SEC23A: variants seen among roughly 807,000 people sequenced by gnomAD.
SEC23A encodes SEC23 homolog A, COPII component.
SEC23A carries 56 observed loss-of-function variants against 103.7 expected under a neutral mutation model. That is an observed-to-expected ratio of 0.54 (90% CI 0.44 to 0.67). The LOEUF (loss-of-function observed/expected upper bound fraction) is 0.67. SEC23A is among the 30% of genes least tolerant of loss of function. SEC23A has a pLI of 0.00. For missense variants in SEC23A, 784 were observed against 936.4 expected (o/e 0.84, Z 2.12); for synonymous variants, 281 against 293.0 (o/e 0.96, Z 0.42).
At chr14:39,052,471 C>CA (rs1396308984) in intron 14 of SEC23A, among the ~76,000 whole-genome samples, 3 of 151,794 alleles carry the variant, frequency 2.0e-5, no homozygotes, top group African/African-American at 7.3e-5. Context: ...AAGGGACATA[C>CA]AAAAAAAATC....
intron 7 of SEC23A, among the ~76,000 whole-genome samples, chr14:39,081,602 T>C (rs376496329): frequency 6.6e-6 from 1 of 152,312 alleles, no homozygotes; most frequent in South Asian, 2.1e-4. Flanking sequence ...AACTATTCTA[T>C]ATATTCTAGG....
rs55763808 is a variant in SEC23A, at chr14:39,094,442, ATTTTTTTTT to A, written c.222-1207_222-1199del. Reference sequence around the variant, plus strand: ...TATATATATATATATATATATATATATTTTTTTTTTTTTTTTTTCCCCTCCTGTAGAAAT... The same window carrying A: ...TATATATATATATATATATATATATATTTTTTTTTCCCCTCCTGTAGAAAT... On this transcript the variant is annotated intron_variant, in intron 2 of 19. Coordinates refer to ENST00000307712, the MANE Select transcript of SEC23A (RefSeq NM_006364.4). Among the ~76,000 whole-genome samples the A allele has an allele frequency of 1.6e-3, 15 of 9,648 alleles. 2 individuals are homozygous for A. The highest frequency in any genetic ancestry group is 0.011 in the African/African-American group (11 of 990). The allele number at this position is 9,648 out of a possible 152,430, so 6.3% of individuals were successfully genotyped here.
rs1424311280 is a variant in SEC23A, at chr14:39,094,433, TATATATATA to T, written c.222-1198_222-1190del. Among the ~76,000 whole-genome samples the T allele has an allele frequency of 8.8e-4, 39 of 44,186 alleles. 4 individuals are homozygous for T. Among genetic ancestry groups the T allele is most frequent in the African/African-American group, 8.1e-3 (29 of 3,592 alleles). The allele number at this position is 44,186 out of a possible 152,430, so 29.0% of individuals were successfully genotyped here. ...ATATATATATATATATATATATATA[TATATATATA>T]TTTTTTTTTTTTTTTTTTCCCCTCC... On this transcript the variant is annotated intron_variant, in intron 2 of 19. Coordinates refer to ENST00000307712, the MANE Select transcript of SEC23A (RefSeq NM_006364.4).
At chr14:39,067,341 G>A (rs768523836) in intron 9 of SEC23A, 45 bp from the exon 10 acceptor site, 2 of 1,607,912 alleles carry the variant, frequency 1.2e-6, no homozygotes, top group Non-Finnish European at 1.7e-6. Flanking sequence ...CACAGTTACT[G>A]AGTCCGTGTG....
intron 13 of SEC23A, among the ~76,000 whole-genome samples, chr14:39,059,785 A>G (rs1052815935): frequency 6.6e-6 from 1 of 152,188 alleles, no homozygotes; most frequent in East Asian, 1.9e-4. Flanking sequence ...TAAACTCATG[A>G]AATCTAACAC....
In SEC23A at chr14:39,070,375, C is replaced by A. The variant is rs529026132; in HGVS notation, c.1104-3079G>T. ...GAAGAGGAAAGAACACATCCCAGGTCATTCTGTGACGACAGTTACCCTGAT... is the reference window on the plus strand; with the variant it reads ...GAAGAGGAAAGAACACATCCCAGGTAATTCTGTGACGACAGTTACCCTGAT... On this transcript the variant is annotated intron_variant, in intron 9 of 19. Transcript: ENST00000307712. Among the ~76,000 whole-genome samples the A allele has an allele frequency of 2.0e-5, 3 of 152,290 alleles. No individual in the cohort carries two copies. In the East Asian group the frequency reaches 5.8e-4, roughly 29 times the overall value.
chr14:39,044,415 CA>C (rs148976663), intron 16 of SEC23A, among the ~76,000 whole-genome samples: 1 of 151,974 alleles, frequency 6.6e-6, no homozygotes, highest in African/African-American at 2.4e-5. Context: ...TGACCAATTA[CA>C]AAAAAATCAT....
intron 14 of SEC23A, among the ~76,000 whole-genome samples, chr14:39,049,816 A>G (rs1256592511): frequency 6.6e-6 from 1 of 151,356 alleles, no homozygotes; most frequent in Non-Finnish European, 1.5e-5. Flanking sequence ...TTTTGAGACA[A>G]GAGTCTCGCT....
chr14:39,066,004 A>AAAAAAC (rs1886651402), intron 10 of SEC23A, among the ~76,000 whole-genome samples: 1 of 27,300 alleles, frequency 3.7e-5, no homozygotes. Flanking sequence ...TCTCAAAAAA[A>AAAAAAC]AAAAAAAAAA....
At chr14:39,092,871 T>C in intron 3 of SEC23A, 2 of 508,476 alleles carry the variant, frequency 3.9e-6, no homozygotes, top group South Asian at 4.5e-5. Context: ...TTGTTTTGTT[T>C]GTTTGTTTTT....
At chr14:39,071,726 G>A (rs1441943031) in intron 9 of SEC23A, among the ~76,000 whole-genome samples, 1 of 151,012 alleles carries the variant, frequency 6.6e-6, no homozygotes, top group African/African-American at 2.4e-5. Flanking sequence ...AATTAGTTGG[G>A]CGTGGTGGCA....
At chr14:39,052,783 T>A (rs896638051) in intron 14 of SEC23A, among the ~76,000 whole-genome samples, 2 of 152,138 alleles carry the variant, frequency 1.3e-5, no homozygotes, top group Admixed American at 6.6e-5. Flanking sequence ...GTCACACAGT[T>A]GTTGAGAAAA....
At chr14:39,071,794 G>T (rs1280794806) in intron 9 of SEC23A, among the ~76,000 whole-genome samples, 1 of 151,912 alleles carries the variant, frequency 6.6e-6, no homozygotes, top group Non-Finnish European at 1.5e-5. Flanking sequence ...AACCTGGGAG[G>T]AAGAAGTTGC....
chr14:39,101,565 G>C (rs1888096513), intron 1 of SEC23A, among the ~76,000 whole-genome samples: 1 of 151,664 alleles, frequency 6.6e-6, no homozygotes, highest in East Asian at 1.9e-4. Flanking sequence ...GGAGGTTGCA[G>C]TGAGCCGAAA....
intron 7 of SEC23A, among the ~76,000 whole-genome samples, chr14:39,083,448 T>C (rs1453820435): frequency 2.0e-5 from 3 of 152,114 alleles, no homozygotes; most frequent in East Asian, 1.9e-4. Flanking sequence ...CATATGTTGA[T>C]TGATGTCTCA....
At chr14:39,066,398 G>A (rs755792960) in intron 10 of SEC23A, among the ~76,000 whole-genome samples, 79 of 151,526 alleles carry the variant, frequency 5.2e-4, no homozygotes, top group Admixed American at 1.1e-3. Flanking sequence ...ATCCAAATTT[G>A]AAATAAATGA....
At position 39,069,875 on chromosome 14, in the gene SEC23A, A is replaced by G. The variant is rs148625233; in HGVS notation, c.1104-2579T>C. 3.9e-5 allele frequency among the ~76,000 whole-genome samples: 6 copies of G among 152,294 alleles called. No individual in the cohort carries two copies. The East Asian group carries it at 1.2e-3, about 29-fold the overall frequency. On this transcript the variant is annotated intron_variant, in intron 9 of 19. Coordinates refer to ENST00000307712, the MANE Select transcript of SEC23A (RefSeq NM_006364.4). Reference sequence around the variant, plus strand: ...CATCTTTGCTAAAATATCACCTTCAATAAGGCTCTGCCTATTCATCCTATT... The same window carrying G: ...CATCTTTGCTAAAATATCACCTTCAGTAAGGCTCTGCCTATTCATCCTATT...
At chr14:39,059,384 C>T (rs1265708797) in intron 13 of SEC23A, among the ~76,000 whole-genome samples, 1 of 146,084 alleles carries the variant, frequency 6.8e-6, no homozygotes, top group African/African-American at 2.6e-5. Context: ...TGGTAAGACA[C>T]AATGCTATAA....
At chr14:39,047,276 C>T (rs778106158) in intron 15 of SEC23A, 37 of 538,212 alleles carry the variant, frequency 6.9e-5, no homozygotes, top group Non-Finnish European at 1.0e-4. Context: ...AGAAAGTGTG[C>T]AGAATTTAGT....
Sources: allele counts gnomAD v4.1 joint callset (sites outside exome capture counted in the v4.1 genomes callset), GRCh38; gene constraint gnomAD v4.1.1; transcripts MANE v1.5; gene names NCBI Gene and HGNC (gene_info 2026-07-23, HGNC 2026-07-21).